The following PRKCG variants were observed in gnomAD, a reference collection of about 807,000 sequenced individuals.
PRKCG encodes the protein protein kinase C gamma type.
A neutral mutation model predicts 82.0 loss-of-function variants in PRKCG; 28 were observed. That is an observed-to-expected ratio of 0.34 (90% CI 0.25 to 0.47). The LOEUF (loss-of-function observed/expected upper bound fraction) is 0.47. Among genes scored for constraint, PRKCG ranks in the 20% least tolerant of loss-of-function variants. The probability of loss-of-function intolerance (pLI) is 1.00; values close to 1 mark genes in which losing one functional copy is unlikely to be tolerated. For missense variants in PRKCG, 640 were observed against 952.7 expected, an observed-to-expected ratio of 0.67 and a Z score of 4.32; for synonymous variants, 383 against 376.6, an observed-to-expected ratio of 1.02 and a Z score of -0.20.
At chr19:53,899,205 G>A (rs2068744071) in intron 11 of PRKCG, among the ~76,000 whole-genome samples, 1 of 152,090 alleles carries the variant, frequency 6.6e-6, no homozygotes, top group Admixed American at 6.5e-5. Context: ...GTCCTGCGGA[G>A]GTGTCGTGAA....
intron 16 of PRKCG, among the ~76,000 whole-genome samples, chr19:53,906,035 CCTCCTCCCT>C (rs1210560640): frequency 3.2e-3 from 269 of 84,672 alleles, no homozygotes; most frequent in Middle Eastern, 6.7e-3. Context: ...CCCTCCTCCT[CCTCCTCCCT>C]CCTCCTCCTC....
rs2068680320 is a variant in PRKCG at position 53,892,034 on chromosome 19, T to C, written c.686+204T>C. Among the ~76,000 whole-genome samples, 1 of 151,968 alleles carries C rather than the reference T, an allele frequency of 6.6e-6. No homozygotes were observed. On this transcript the variant is annotated intron_variant, in intron 6 of 17. Transcript: ENST00000263431. This position sits in a 1 kb window ranked among gnomAD's most constrained non-coding sequence, Gnocchi z 5.9. ...ACGGAGAGACAGCCAGACCACTGTA[T>C]AATTAGTCTCCATTGAAGCCCCCAA...
rs1213650646 is a variant in PRKCG, at chr19:53,906,376, C to G, written c.1824C>G (p.Ile608Met). ...CAGGGCCTGATGGGGAACCTACCAT[C>G]CGTGCACATGGCTTTTTCCGCTGGA... ...LGSGPDGEPT[I>M]RAHGFFRWID... The change falls in exon 17 of 18, where the codon ATC becomes ATG. Residue 608 changes from isoleucine to methionine, a missense_variant. This residue lies in a region of PRKCG where 198 missense variants were observed against 273.4 expected (regional missense o/e 0.72). Transcript: ENST00000263431. 1 of 1,557,924 alleles carries G rather than the reference C, an allele frequency of 6.4e-7. No individual in the cohort carries two copies. Among genetic ancestry groups the G allele is most frequent in the African/African-American group, 1.4e-5 (1 of 73,334 alleles).
chr19:53,893,484 CAT>C (rs753832311), intron 9 of PRKCG, 93 bp downstream of exon 9: 8 of 1,341,570 alleles, frequency 6.0e-6, no homozygotes, highest in East Asian at 4.6e-5. Flanking sequence ...ATTCCCCACA[CAT>C]GAGTTGAGCA....
chr19:53,894,613 C>T (rs1315160515), intron 9 of PRKCG, among the ~76,000 whole-genome samples: 2 of 151,986 alleles, frequency 1.3e-5, no homozygotes, highest in Non-Finnish European at 2.9e-5. Context: ...GAGCGCACCA[C>T]CACACCTGGC....
rs1300618098 is a variant in PRKCG, at chr19:53,882,729, G to C, written c.170+65G>C. The C allele has an allele frequency of 1.8e-5, 29 of 1,582,330 alleles. No homozygotes were observed. The highest frequency in any genetic ancestry group is 2.4e-5 in the Non-Finnish European group (28 of 1,163,132). ...TAGGGGTGCAGACTCCTATCACGCC[G>C]ACCCCTGTGGAAGGAAGAAGGAGGG... On this transcript the variant is annotated intron_variant, in intron 1 of 17. Coordinates refer to ENST00000263431, the MANE Select transcript of PRKCG (RefSeq NM_002739.5). This position sits in a 1 kb window ranked among gnomAD's most constrained non-coding sequence, Gnocchi z 6.1.
chr19:53,887,491 C>A (rs190841000), intron 3 of PRKCG, among the ~76,000 whole-genome samples: 717 of 41,098 alleles, frequency 0.017, 9 homozygotes, highest in African/African-American at 0.068. Context: ...GAACAAAACT[C>A]TGTCTCAAAA....
intron 14 of PRKCG, among the ~76,000 whole-genome samples, chr19:53,902,615 C>G (rs969663512): frequency 1.3e-5 from 2 of 152,004 alleles, no homozygotes; most frequent in African/African-American, 4.8e-5. Flanking sequence ...AGAGTGGAGG[C>G]TGGGCGTGGT....
At position 53,907,376 on chromosome 19, in the gene PRKCG, T is replaced by C. The variant is rs886054616; in HGVS notation, c.*481T>C. The C allele has an allele frequency of 1.5e-5, 3 of 205,836 alleles. No homozygotes were observed. Among genetic ancestry groups the C allele is most frequent in the African/African-American group, 4.6e-5 (2 of 43,052 alleles). The allele number at this position is 205,836 out of a possible 1,614,324, so 12.8% of individuals were successfully genotyped here. On this transcript the variant is annotated 3_prime_UTR_variant, in exon 18 of 18. Coordinates refer to ENST00000263431, the MANE Select transcript of PRKCG (RefSeq NM_002739.5). Reference sequence around the variant, plus strand: ...TGGGAGGCGTGCCCCCCTCCTCCAGTACGTCCCGCTGCTGTGCTCTGGGGA... The same window carrying C: ...TGGGAGGCGTGCCCCCCTCCTCCAGCACGTCCCGCTGCTGTGCTCTGGGGA...
Position 53,884,302 on chromosome 19 carries a change from G to GGC in PRKCG, c.285+61_285+62dup. 6.7e-7 allele frequency: 1 copy of GGC among 1,490,494 alleles called. No homozygotes were observed. Among genetic ancestry groups the GGC allele is most frequent in the East Asian group, 2.3e-5 (1 of 44,282 alleles). 92.3% of individuals were successfully genotyped at this position (1,490,494 alleles called of 1,614,324 possible). On this transcript the variant is annotated intron_variant, in intron 3 of 17. Coordinates refer to ENST00000263431, the MANE Select transcript of PRKCG (RefSeq NM_002739.5). This position sits in a 1 kb window ranked among gnomAD's most constrained non-coding sequence, Gnocchi z 4.6. ...GCCGTGCCCCCGCCCTCACCCCCTC[G>GGC]GCGTCCGTCCCAATTTCTCCTGCTA...
chr19:53,900,442 T>A lies in PRKCG; in HGVS notation c.1397T>A (p.Ile466Asn). 4 of 1,614,160 alleles carry A rather than the reference T, an allele frequency of 2.5e-6. No homozygotes were observed. Among genetic ancestry groups the A allele is most frequent in the Non-Finnish European group, 3.4e-6 (4 of 1,180,026 alleles). ...AGGTTCTACGCGGCAGAAATCGCTA[T>A]CGGCCTCTTCTTCCTTCACAATCAG... ...HAAFYAAEIA[I>N]GLFFLHNQGI... is the part of the protein sequence containing the mutation. The change falls in exon 13 of 18, where the codon ATC becomes AAC. Residue 466 changes from isoleucine to asparagine, a missense_variant. Ile to Asn is a moderately radical substitution (Grantham distance 149). Transcript: ENST00000263431. This position sits in a 1 kb window ranked among gnomAD's most constrained non-coding sequence, Gnocchi z 4.2.
chr19:53,891,542 A>G (rs779486327), intron 5 of PRKCG, 132 bp from the exon 6 acceptor site: 23 of 1,156,972 alleles, frequency 2.0e-5, no homozygotes, highest in Non-Finnish European at 2.6e-5. Flanking sequence ...TTGGCCTCCC[A>G]AAGTGCTGGG....
At chr19:53,899,201 C>T (rs992941998) in intron 11 of PRKCG, among the ~76,000 whole-genome samples, 18 of 147,438 alleles carry the variant, frequency 1.2e-4, no homozygotes, top group Non-Finnish European at 1.5e-5. Flanking sequence ...ATGGGTCCTG[C>T]GGAGGTGTCG....
At chr19:53,898,946 G>T (rs1354259510) in intron 11 of PRKCG, among the ~76,000 whole-genome samples, 1 of 142,870 alleles carries the variant, frequency 7.0e-6, no homozygotes, top group African/African-American at 2.7e-5. Context: ...GGCTCTTCGC[G>T]GGGCGTGGTC....
At chr19:53,893,955 C>G (rs2068699103) in intron 9 of PRKCG, among the ~76,000 whole-genome samples, 1 of 151,764 alleles carries the variant, frequency 6.6e-6, no homozygotes, top group Non-Finnish European at 1.5e-5. Flanking sequence ...TGGGATTTCG[C>G]CATGTTGGCC....
chr19:53,898,794 C>A (rs1435326947), intron 11 of PRKCG, among the ~76,000 whole-genome samples, 166 bp downstream of exon 11: 1 of 20,752 alleles, frequency 4.8e-5, no homozygotes, highest in Non-Finnish European at 9.2e-5. Flanking sequence ...GGGGGGGGTC[C>A]TTGGGGGGCG....
intron 5 of PRKCG, among the ~76,000 whole-genome samples, chr19:53,890,241 C>T (rs2068663674): frequency 6.6e-6 from 1 of 152,116 alleles, no homozygotes; most frequent in Admixed American, 6.5e-5. Flanking sequence ...ACTTTCTGCA[C>T]CTGTTAATGA....
rs983465927 is a variant in PRKCG at position 53,890,035 on chromosome 19, C to G, written c.529+18C>G. ...CGTAACTGGTGAGGCCCCGCCCCCT[C>G]GCCTGGCCCCGCCCCCTCCCCAAGT... On this transcript the variant is annotated intron_variant, in intron 5 of 17. Transcript: ENST00000263431. 13 of 1,547,742 alleles carry G rather than the reference C, an allele frequency of 8.4e-6. No homozygotes were observed. Among genetic ancestry groups the G allele is most frequent in the South Asian group, 2.4e-5 (2 of 84,222 alleles).
chr19:53,899,132 A>T (rs1484098541), intron 11 of PRKCG, among the ~76,000 whole-genome samples: 1 of 108,734 alleles, frequency 9.2e-6, no homozygotes, highest in African/African-American at 3.6e-5. Context: ...CGGGCGGATG[A>T]GCTCCTCGGG....
Sources: allele counts gnomAD v4.1 joint callset (sites outside exome capture counted in the v4.1 genomes callset), GRCh38; gene constraint gnomAD v4.1.1; regional missense constraint gnomAD v4.1.1; non-coding constraint Gnocchi (gnomAD v3.1); transcripts MANE v1.5; gene names NCBI Gene and HGNC (gene_info 2026-07-23, HGNC 2026-07-21).